TTLL5: variants seen among roughly 807,000 people sequenced by gnomAD.
The protein encoded by TTLL5 is tubulin polyglutamylase TTLL5.
TTLL5 carries 132 observed loss-of-function variants against 168.4 expected under a neutral mutation model. That is an observed-to-expected ratio of 0.78 (90% confidence interval 0.68 to 0.91). The LOEUF is 0.91. Ranked by LOEUF, TTLL5 falls within the 40% of genes least tolerant of loss-of-function variation. TTLL5 has a pLI of 0.00. For missense variants in TTLL5, 1,545 were observed against 1,581.5 expected (o/e 0.98, Z 0.39); for synonymous variants, 546 against 558.6 (o/e 0.98, Z 0.32).
At chr14:75,803,859 T>TTAGCCCA (rs1005291370) in intron 27 of TTLL5, among the ~76,000 whole-genome samples, 1 of 152,170 alleles carries the variant, frequency 6.6e-6, no homozygotes, top group African/African-American at 2.4e-5. Context: ...ATGTGGTGAA[T>TTAGCCCA]TAGCCCAGCT....
At chr14:75,736,675 A>G (rs759414728) in intron 15 of TTLL5, among the ~76,000 whole-genome samples, 8 of 152,210 alleles carry the variant, frequency 5.3e-5, no homozygotes, top group Non-Finnish European at 1.2e-4. Flanking sequence ...ATTAGAAACA[A>G]TACTTTGCAG....
chr14:75,800,637 A>ATTC (rs1351701123), intron 27 of TTLL5, among the ~76,000 whole-genome samples: 1 of 152,046 alleles, frequency 6.6e-6, no homozygotes, highest in Non-Finnish European at 1.5e-5. Context: ...TGCTGTTCAG[A>ATTC]TTCTTTTGTC....
chr14:75,875,831 A>C (rs191094926), intron 29 of TTLL5, among the ~76,000 whole-genome samples: 9 of 152,366 alleles, frequency 5.9e-5, no homozygotes, highest in Admixed American at 5.9e-4. Flanking sequence ...ACATATAGAA[A>C]ATAAGTTTGT....
At chr14:75,734,608 G>A (rs941335881) in intron 14 of TTLL5, among the ~76,000 whole-genome samples, 5 of 152,098 alleles carry the variant, frequency 3.3e-5, no homozygotes, top group Admixed American at 6.5e-5. Flanking sequence ...ATGTACCAGC[G>A]AATGCTATAA....
chr14:75,728,358 GAAAAA>G (rs11326438), intron 12 of TTLL5, among the ~76,000 whole-genome samples: 2 of 99,678 alleles, frequency 2.0e-5, no homozygotes, highest in Admixed American at 1.1e-4. Context: ...CTCCATCTCA[GAAAAA>G]AAAAAAAAAA....
At chr14:75,684,152 C>T (rs911407175) in intron 5 of TTLL5, 2 of 155,950 alleles carry the variant, frequency 1.3e-5, no homozygotes, top group African/African-American at 4.8e-5. Flanking sequence ...CATGAATGAA[C>T]ACTTTCTAAG....
chr14:75,665,853 A>G (rs1942255589), intron 2 of TTLL5, among the ~76,000 whole-genome samples: 1 of 152,184 alleles, frequency 6.6e-6, no homozygotes, highest in African/African-American at 2.4e-5. Flanking sequence ...CTCCGTCTCA[A>G]ACAAAACAAA....
At chr14:75,695,357 A>C (rs1336408461) in intron 6 of TTLL5, among the ~76,000 whole-genome samples, 1 of 152,208 alleles carries the variant, frequency 6.6e-6, no homozygotes, top group Admixed American at 6.5e-5. Flanking sequence ...AGATGTTATC[A>C]ATGACAATGC....
intron 9 of TTLL5, among the ~76,000 whole-genome samples, chr14:75,717,114 G>A (rs2140195872): frequency 6.6e-6 from 1 of 151,308 alleles, no homozygotes; most frequent in East Asian, 1.9e-4. Flanking sequence ...GAATGCTATA[G>A]TACCAGGCAC....
chr14:75,949,435 A>G (rs2034884761), intron 31 of TTLL5, among the ~76,000 whole-genome samples: 1 of 145,428 alleles, frequency 6.9e-6, no homozygotes, highest in Non-Finnish European at 1.5e-5. Flanking sequence ...TATATATTCT[A>G]TATATATATA....
intron 31 of TTLL5, among the ~76,000 whole-genome samples, chr14:75,942,040 G>C (rs957798614): frequency 2.7e-5 from 4 of 150,218 alleles, no homozygotes; most frequent in Non-Finnish European, 5.9e-5. Context: ...AACTAGCCAG[G>C]TGTGTGGTGG....
chr14:75,728,089 C>T (rs1888298194), intron 12 of TTLL5, among the ~76,000 whole-genome samples: 1 of 152,196 alleles, frequency 6.6e-6, no homozygotes, highest in African/African-American at 2.4e-5. Flanking sequence ...GGCACAGTGG[C>T]TCACGCCTGT....
Position 75,863,759 on chromosome 14 carries a change from A to C in TTLL5, c.3419A>C (p.His1140Pro). 2.5e-6 allele frequency: 4 copies of C among 1,613,762 alleles called. No homozygotes were observed. Among genetic ancestry groups the C allele is most frequent in the Non-Finnish European group, 1.7e-6 (2 of 1,179,944 alleles). ...GGGGTGGTCCCCCAGCACAAGTATC[A>C]CCCCACAGCAGGCAGCTATCAGCTT... is the stretch of plus-strand genomic sequence containing the variant. Reference protein sequence around the residue: ...ATGVVPQHKYHPTAGSYQLQF... With the variant: ...ATGVVPQHKYPPTAGSYQLQF... Residue 1140 changes from histidine (H) to proline (P), a missense_variant, in exon 29 of 32, where the codon CAC becomes CCC. Coordinates refer to ENST00000298832, the MANE Select transcript of TTLL5 (RefSeq NM_015072.5).
In TTLL5 at chr14:75,863,803, C is replaced by T; in HGVS notation, c.3463C>T (p.Leu1155Phe). ...SYQLQFALQQ[L>F]EQQKLQSRQL... is the part of the protein sequence containing the mutation. ...TCAGCTTCAATTTGCCCTGCAGCAA[C>T]TTGAACAACAAAAACTTCAGTCCCG... The change falls in exon 29 of 32, where the codon CTT (leucine) becomes TTT (phenylalanine). Residue 1155 changes from leucine to phenylalanine, a missense_variant. By Grantham distance (22) the Leu-to-Phe change is conservative. Coordinates refer to ENST00000298832, the MANE Select transcript of TTLL5 (RefSeq NM_015072.5). 1 of 1,577,438 alleles carries T rather than the reference C, an allele frequency of 6.3e-7. No homozygotes were observed. Among genetic ancestry groups the T allele is most frequent in the Non-Finnish European group, 8.6e-7 (1 of 1,159,240 alleles).
In TTLL5 at chr14:75,745,128, A is replaced by T; in HGVS notation, c.1315A>T (p.Met439Leu). The T allele has an allele frequency of 6.2e-7, 1 of 1,613,982 alleles. No individual in the cohort carries two copies. Among genetic ancestry groups the T allele is most frequent in the Non-Finnish European group, 8.5e-7 (1 of 1,179,880 alleles). ...CRPLSASDAEMKNLVGSAREK... is the reference protein window; with the variant it reads ...CRPLSASDAELKNLVGSAREK... ...TCCACTCTCTGCCAGTGATGCGGAA[A>T]TGAAAAACCTCGTGGGCTCAGCCCG... Residue 439 changes from methionine to leucine, a missense_variant, in exon 16 of 32, where the codon ATG becomes TTG. Transcript: ENST00000298832.
rs1222295457 is a variant in TTLL5, at chr14:75,699,284, A to C, written c.585+14A>C. 2 of 1,610,554 alleles carry C rather than the reference A, an allele frequency of 1.2e-6. No individual in the cohort carries two copies. The highest frequency in any genetic ancestry group is 4.5e-5 in the East Asian group (2 of 44,834). ...CTGATCAACAATGTAAGTATGCAGC[A>C]GATGGCAAACCTCTCTCCTCACTTG... On this transcript the variant is annotated intron_variant, in intron 7 of 31. Coordinates refer to ENST00000298832, the MANE Select transcript of TTLL5 (RefSeq NM_015072.5).
chr14:75,771,641 G>T, intron 20 of TTLL5, 93 bp from the exon 21 acceptor site: 1 of 1,555,898 alleles, frequency 6.4e-7, no homozygotes, highest in Non-Finnish European at 8.7e-7. Context: ...CATAATAGAA[G>T]CATCCTCAAA....
intron 10 of TTLL5, 113 bp downstream of exon 10, chr14:75,718,075 T>A: frequency 1.2e-6 from 1 of 849,022 alleles, no homozygotes; most frequent in Non-Finnish European, 1.9e-6. Context: ...AATGTCCATG[T>A]ACCATTTATG....
intron 28 of TTLL5, among the ~76,000 whole-genome samples, chr14:75,861,248 G>T (rs1000430552): frequency 1.3e-4 from 20 of 152,180 alleles, no homozygotes; most frequent in African/African-American, 4.8e-4. Context: ...GTGAGATTAT[G>T]GGATAGAAAG....
Sources: allele counts gnomAD v4.1 joint callset (sites outside exome capture counted in the v4.1 genomes callset), GRCh38; gene constraint gnomAD v4.1.1; transcripts MANE v1.5; gene names NCBI Gene and HGNC (gene_info 2026-07-23, HGNC 2026-07-21).